TLX3: variants seen among roughly 807,000 people sequenced by gnomAD.
TLX3 encodes T-cell leukemia homeobox protein 3.
Under a neutral mutation model 19.6 loss-of-function variants are expected in TLX3, and 11 were observed. The observed-to-expected ratio is 0.56, with a 90% CI of 0.35 to 0.93. TLX3 has a LOEUF of 0.93. Ranked by LOEUF, TLX3 falls within the 40% of genes least tolerant of loss-of-function variation. The pLI is 0.01. For synonymous variants in TLX3, 221 were observed against 188.1 expected (o/e 1.17, Z -1.43); for missense variants, 375 against 418.6 (o/e 0.90, Z 0.91).
rs1331483621 is a variant in TLX3, at chr5:171,309,383, C to T, written c.18C>T (p.Ser6=). Residue 6 remains serine (S), a synonymous_variant, in exon 1 of 3, where the codon AGC becomes AGT. Coordinates refer to ENST00000296921, the MANE Select transcript of TLX3 (RefSeq NM_021025.4). ...CGCCCAGGATGGAGGCGCCCGCCAG[C>T]GCGCAGACCCCGCACCCGCACGAGC... MEAPA[S]AQTPHPHEPI... 1.9e-6 allele frequency: 3 copies of T among 1,599,248 alleles called. No homozygotes were observed. The highest frequency in any genetic ancestry group is 1.7e-5 in the Admixed American group (1 of 59,162).
At position 171,310,752 on chromosome 5, in the gene TLX3, A is replaced by G. The variant is rs1281975816; in HGVS notation, c.665+359A>G. Among the ~76,000 whole-genome samples the G allele has an allele frequency of 5.8e-3, 476 of 81,714 alleles. 2 individuals are homozygous for G. Among genetic ancestry groups the G allele is most frequent in the African/African-American group, 0.018 (379 of 21,556 alleles). 53.6% of individuals were successfully genotyped at this position (81,714 alleles called of 152,430 possible). Reference sequence around the variant, plus strand: ...CACAGGCACACACACACACACACACACGCGCACACACACGGGCCTCTCGCA... The same window carrying G: ...CACAGGCACACACACACACACACACGCGCGCACACACACGGGCCTCTCGCA... On this transcript the variant is annotated intron_variant, in intron 2 of 2. Transcript: ENST00000296921.
rs1034037496 is a variant in TLX3, at chr5:171,311,323, G to C, written c.666-66G>C. The C allele has an allele frequency of 6.9e-7, 1 of 1,452,574 alleles. No homozygotes were observed. The highest frequency in any genetic ancestry group is 9.2e-7 in the Non-Finnish European group (1 of 1,086,356). The allele number at this position is 1,452,574 out of a possible 1,614,324, so 90.0% of individuals were successfully genotyped here. On this transcript the variant is annotated intron_variant, in intron 2 of 2. Transcript: ENST00000296921. This position sits in a 1 kb window ranked among gnomAD's most constrained non-coding sequence, Gnocchi z 5.1. ...GGCCTCGGCTCCCGGGAGGGCCGGGGCCCCGCCGGCGGCCCCGCGGTGCCG... is the reference window on the plus strand; with the variant it reads ...GGCCTCGGCTCCCGGGAGGGCCGGGCCCCCGCCGGCGGCCCCGCGGTGCCG...
rs200215875 is a variant in TLX3 at position 171,310,424 on chromosome 5, A to C, written c.665+31A>C. ...AGAGGCCTGACCCGGCCCACCTTAC[A>C]CCTGCCCTTCACCTGTCCCGCCCCG... is the stretch of plus-strand genomic sequence containing the variant. On this transcript the variant is annotated intron_variant, in intron 2 of 2. Coordinates refer to ENST00000296921, the MANE Select transcript of TLX3 (RefSeq NM_021025.4). The C allele has an allele frequency of 4.9e-3, 7,836 of 1,599,954 alleles. 37 individuals are homozygous for C. The highest frequency in any genetic ancestry group is 5.0e-3 in the Non-Finnish European group (5,814 of 1,172,626).
At chr5:171,310,513 C>A in intron 2 of TLX3, 120 bp downstream of exon 2, 1 of 1,251,798 alleles carries the variant, frequency 8.0e-7, no homozygotes, top group Non-Finnish European at 1.1e-6. Context: ...CTCTGCCTCC[C>A]CCAAACACAC....
rs755619886 is a variant in TLX3 at position 171,309,661 on chromosome 5, C to T, written c.296C>T (p.Ala99Val). 1.9e-6 allele frequency: 3 copies of T among 1,608,258 alleles called. No individual in the cohort carries two copies. In the East Asian group the frequency reaches 6.7e-5, roughly 36 times the overall value. Residue 99 changes from alanine to valine, a missense_variant, in exon 1 of 3, where the codon GCC becomes GTC. Ala to Val is a moderately conservative substitution (Grantham distance 64, BLOSUM62 0). Transcript: ENST00000296921. Reference sequence around the variant, plus strand: ...CCGGCGCACAGGCCGCTGCCCGGGGCCGTGCCACCGCCTCTGCCAAGCGCG... The same window carrying T: ...CCGGCGCACAGGCCGCTGCCCGGGGTCGTGCCACCGCCTCTGCCAAGCGCG... ...RVPAHRPLPG[A>V]VPPPLPSALP...
Position 171,311,617 on chromosome 5 carries a change from G to A in TLX3, c.*18G>A. 1 of 1,579,784 alleles carries A rather than the reference G, an allele frequency of 6.3e-7. No individual in the cohort carries two copies. Among genetic ancestry groups the A allele is most frequent in the Non-Finnish European group, 8.6e-7 (1 of 1,159,448 alleles). On this transcript the variant is annotated 3_prime_UTR_variant, in exon 3 of 3. Transcript: ENST00000296921. The surrounding 1 kb of genome is among the most constrained non-coding windows in gnomAD (Gnocchi z 5.1). ...TGGTGTGAGCCCACCAGCGCGCACC[G>A]TCGCCACGGATCGCCGCCCCCACCC...
rs774423751 is a variant in TLX3, at chr5:171,311,616, C to G, written c.*17C>G. On this transcript the variant is annotated 3_prime_UTR_variant, in exon 3 of 3. Coordinates refer to ENST00000296921, the MANE Select transcript of TLX3 (RefSeq NM_021025.4). The surrounding 1 kb of genome is among the most constrained non-coding windows in gnomAD (Gnocchi z 5.1). ...CTGGTGTGAGCCCACCAGCGCGCAC[C>G]GTCGCCACGGATCGCCGCCCCCACC... is the stretch of plus-strand genomic sequence containing the variant. The G allele has an allele frequency of 1.3e-6, 2 of 1,583,986 alleles. No homozygotes were observed. The highest frequency in any genetic ancestry group is 3.4e-5 in the Admixed American group (2 of 58,002).
rs1465889129 is a variant in TLX3, at chr5:171,309,348, C to A, written c.-18C>A. 2.6e-6 allele frequency: 4 copies of A among 1,539,142 alleles called. No homozygotes were observed. The highest frequency in any genetic ancestry group is 3.7e-5 in the Admixed American group (2 of 53,878). ...CGCCTCCCCGCCCAGCCCAGCCCAG[C>A]CCTTCCGCCCGCCCAGGATGGAGGC... On this transcript the variant is annotated 5_prime_UTR_variant, in exon 1 of 3. Transcript: ENST00000296921.
chr5:171,310,331 G>A lies in TLX3; in HGVS notation c.603G>A (p.Lys201=), dbSNP rs1229532452. The A allele has an allele frequency of 3.7e-6, 6 of 1,612,418 alleles. No individual in the cohort carries two copies. The highest frequency in any genetic ancestry group is 1.6e-4 in the Middle Eastern group (1 of 6,084). ...CTGCCGAGAGGGCGGCGCTCGCCAA[G>A]TCCCTCAAAATGACGGACGCGCAGG... ...LASAERAALA[K]SLKMTDAQVK... is the part of the protein sequence containing the mutation. The change falls in exon 2 of 3, where the codon AAG becomes AAA. Residue 201 remains lysine (K), a synonymous_variant. Coordinates refer to ENST00000296921, the MANE Select transcript of TLX3 (RefSeq NM_021025.4).
chr5:171,309,623 C>A lies in TLX3; in HGVS notation c.258C>A (p.Gly86=). Residue 86 remains glycine, a synonymous_variant, in exon 1 of 3, where the codon GGC becomes GGA. Coordinates refer to ENST00000296921, the MANE Select transcript of TLX3 (RefSeq NM_021025.4). ...YSVNLSLAPA[G]VIRVPAHRPL... ...TGAACCTGAGCCTAGCGCCCGCAGG[C>A]GTGATCCGGGTGCCGGCGCACAGGC... is the stretch of plus-strand genomic sequence containing the variant. 1 of 1,607,644 alleles carries A rather than the reference C, an allele frequency of 6.2e-7. No individual in the cohort carries two copies. The highest frequency in any genetic ancestry group is 8.5e-7 in the Non-Finnish European group (1 of 1,177,874).
chr5:171,311,771 C>A lies in TLX3; in HGVS notation c.*172C>A. 3 of 445,186 alleles carry A rather than the reference C, an allele frequency of 6.7e-6. No individual in the cohort carries two copies. In the South Asian group the frequency reaches 1.5e-4, roughly 22 times the overall value. The allele number at this position is 445,186 out of a possible 1,614,324, so 27.6% of individuals were successfully genotyped here. On this transcript the variant is annotated 3_prime_UTR_variant, in exon 3 of 3. Coordinates refer to ENST00000296921, the MANE Select transcript of TLX3 (RefSeq NM_021025.4). This position sits in a 1 kb window ranked among gnomAD's most constrained non-coding sequence, Gnocchi z 5.1. ...GCGGGCCGCGGAAGGGGGTAGGGCC[C>A]GAGCTCCGCGCGGCCGCACAATCCG...
chr5:171,310,034 G>T, intron 1 of TLX3, 116 bp from the exon 2 acceptor site: 1 of 1,431,226 alleles, frequency 7.0e-7, no homozygotes, highest in African/African-American at 1.4e-5. Flanking sequence ...GGAAACGCGC[G>T]CGACCAGCGA....
Position 171,311,372 on chromosome 5 carries a change from T to C in TLX3, c.666-17T>C. ...CGGGTGCATGACGGTACTGTCCCTC[T>C]CCCTCCCCCGGTGCAGGCGGCAGAC... On this transcript the variant is annotated splice_polypyrimidine_tract_variant and intron_variant, in intron 2 of 2. Coordinates refer to ENST00000296921, the MANE Select transcript of TLX3 (RefSeq NM_021025.4). The surrounding 1 kb of genome is among the most constrained non-coding windows in gnomAD (Gnocchi z 5.1). The C allele has an allele frequency of 6.5e-7, 1 of 1,544,662 alleles. No individual in the cohort carries two copies. Among genetic ancestry groups the C allele is most frequent in the South Asian group, 1.2e-5 (1 of 83,734 alleles).
In TLX3 at chr5:171,311,607, AGC is replaced by A. The variant is rs754854636; in HGVS notation, c.*13_*14del. On this transcript the variant is annotated 3_prime_UTR_variant, in exon 3 of 3. Coordinates refer to ENST00000296921, the MANE Select transcript of TLX3 (RefSeq NM_021025.4). This position sits in a 1 kb window ranked among gnomAD's most constrained non-coding sequence, Gnocchi z 5.1. ...GTCACCTCCCTGGTGTGAGCCCACC[AGC>A]GCGCACCGTCGCCACGGATCGCCGC... 14 of 1,594,960 alleles carry A rather than the reference AGC, an allele frequency of 8.8e-6. No homozygotes were observed. In the East Asian group the frequency reaches 3.2e-4, roughly 36 times the overall value.
Position 171,309,358 on chromosome 5 carries a change from C to T in TLX3, c.-8C>T. 1 of 1,578,726 alleles carries T rather than the reference C, an allele frequency of 6.3e-7. No homozygotes were observed. Reference sequence around the variant, plus strand: ...CCCAGCCCAGCCCAGCCCTTCCGCCCGCCCAGGATGGAGGCGCCCGCCAGC... The same window carrying T: ...CCCAGCCCAGCCCAGCCCTTCCGCCTGCCCAGGATGGAGGCGCCCGCCAGC... On this transcript the variant is annotated 5_prime_UTR_variant, in exon 1 of 3. Transcript: ENST00000296921.
At chr5:171,310,748 A>G (rs2113029315) in intron 2 of TLX3, among the ~76,000 whole-genome samples, 1 of 125,130 alleles carries the variant, frequency 8.0e-6, no homozygotes, top group South Asian at 2.8e-4. Context: ...ACACACACAC[A>G]CACACGCGCA....
rs933426683 is a variant in TLX3, at chr5:171,311,760, G to C, written c.*161G>C. 2.9e-5 allele frequency: 15 copies of C among 511,342 alleles called. No individual in the cohort carries two copies. The highest frequency in any genetic ancestry group is 4.4e-5 in the Non-Finnish European group (13 of 298,618). The allele number at this position is 511,342 out of a possible 1,614,324, so 31.7% of individuals were successfully genotyped here. ...GCCACAGACTGGCGGGCCGCGGAAG[G>C]GGGTAGGGCCCGAGCTCCGCGCGGC... On this transcript the variant is annotated 3_prime_UTR_variant, in exon 3 of 3. Transcript: ENST00000296921. This position sits in a 1 kb window ranked among gnomAD's most constrained non-coding sequence, Gnocchi z 5.1.
In TLX3 at chr5:171,311,142, G is replaced by A. The variant is rs977163549; in HGVS notation, c.666-247G>A. Among the ~76,000 whole-genome samples, 2 of 152,168 alleles carry A rather than the reference G, an allele frequency of 1.3e-5. No homozygotes were observed. The highest frequency in any genetic ancestry group is 2.4e-5 in the African/African-American group (1 of 41,460). On this transcript the variant is annotated intron_variant, in intron 2 of 2. Transcript: ENST00000296921. The surrounding 1 kb of genome is among the most constrained non-coding windows in gnomAD (Gnocchi z 5.1). The stretch of plus-strand genomic sequence containing the variant: ...TATTGTTGGTGAAGCCACAATACCC[G>A]GGCGTGCAGGTGGGCGGCGGGCAGA...
At position 171,309,517 on chromosome 5, in the gene TLX3, G is replaced by T; in HGVS notation, c.152G>T (p.Arg51Leu). 1 of 1,564,258 alleles carries T rather than the reference G, an allele frequency of 6.4e-7. No individual in the cohort carries two copies. Among genetic ancestry groups the T allele is most frequent in the South Asian group, 1.2e-5 (1 of 86,048 alleles). The change falls in exon 1 of 3, where the codon CGT becomes CTT. Residue 51 changes from arginine to leucine, a missense_variant. Arg to Leu is a moderately radical substitution (Grantham distance 102). This residue lies in a region of TLX3 where 239 missense variants were observed against 217.0 expected (regional missense o/e 1.10). Transcript: ENST00000296921. ...TACCTGGGAGGGCCCCCCGGGGGCC[G>T]TCCGGGCGCCACATACCCGTCTCTG... ...ASYLGGPPGG[R>L]PGATYPSLPA...
Sources: gnomAD v4.1 joint callset for allele counts (sites outside exome capture counted in the v4.1 genomes callset) on GRCh38, gnomAD v4.1.1 for gene constraint, gnomAD v4.1.1 regional missense constraint, Gnocchi (gnomAD v3.1) non-coding constraint, MANE v1.5 for transcripts, NCBI Gene and HGNC (gene_info 2026-07-23, HGNC 2026-07-21) for gene names.